The following PCDH9 variants were observed in gnomAD, a reference collection of about 807,000 sequenced individuals.
PCDH9 encodes the protein protocadherin 9, also known as protocadherin-9.
A neutral mutation model predicts 70.6 loss-of-function variants in PCDH9; 24 were observed. The ratio of observed to expected loss-of-function variants is 0.34; its 90% CI spans 0.25 to 0.48. The LOEUF (loss-of-function observed/expected upper bound fraction) is 0.48, where lower values mean the gene tolerates loss of function less well. Ranked by LOEUF, PCDH9 falls within the 20% of genes least tolerant of loss-of-function variation. The probability of loss-of-function intolerance (pLI) is 0.99; values close to 1 mark genes in which losing one functional copy is unlikely to be tolerated. For missense variants in PCDH9, 1,281 were observed against 1,503.6 expected (o/e 0.85, Z 2.45); for synonymous variants, 562 against 558.5 (o/e 1.01, Z -0.09).
At chr13:66,812,523 G>A (rs2080527743) in intron 3 of PCDH9, among the ~76,000 whole-genome samples, 1 of 152,172 alleles carries the variant, frequency 6.6e-6, no homozygotes. Context: ...AAATGTACCT[G>A]ATTTGTCTAG....
intron 2 of PCDH9, among the ~76,000 whole-genome samples, chr13:67,082,720 AC>A (rs2086009877): frequency 2.0e-5 from 3 of 152,182 alleles, no homozygotes. Context: ...TTCTTAAAAA[AC>A]ATTTGAGAAA....
chr13:66,477,143 G>A lies in PCDH9; in HGVS notation c.3340+154067C>T, dbSNP rs140564452. ...AGTTCAATGTGCATGTCTGTCTAAC[G>A]AGACAATATGACAGGACCACACATT... is the stretch of plus-strand genomic sequence containing the variant. On this transcript the variant is annotated intron_variant, in intron 4 of 4. Transcript: ENST00000377865. Among the ~76,000 whole-genome samples, 13 of 152,168 alleles carry A rather than the reference G, an allele frequency of 8.5e-5. No homozygotes were observed. The East Asian group carries it at 2.5e-3, about 29-fold the overall frequency.
chr13:66,757,375 A>C lies in PCDH9; in HGVS notation c.3139-125964T>G, dbSNP rs145867060. Among the ~76,000 whole-genome samples, 6 of 152,226 alleles carry C rather than the reference A, an allele frequency of 3.9e-5. No individual in the cohort carries two copies. In the East Asian group the frequency reaches 1.2e-3, roughly 29 times the overall value. On this transcript the variant is annotated intron_variant, in intron 3 of 4. Coordinates refer to ENST00000377865, the MANE Select transcript of PCDH9 (RefSeq NM_203487.3). ...TCTTATTGTATTCTTTAGGTGACTA[A>C]ATTATTTTTAGGTATCTTGCTAAGG...
chr13:67,089,808 G>C (rs930665293), intron 2 of PCDH9, among the ~76,000 whole-genome samples: 14 of 151,928 alleles, frequency 9.2e-5, no homozygotes, highest in African/African-American at 3.4e-4. Flanking sequence ...TGTTGATAGA[G>C]AGATCCTTAG....
At chr13:66,717,969 G>A (rs1361735125) in intron 3 of PCDH9, among the ~76,000 whole-genome samples, 1 of 152,062 alleles carries the variant, frequency 6.6e-6, no homozygotes, top group East Asian at 1.9e-4. Context: ...GCATACTGTT[G>A]CTATTCATAG....
intron 2 of PCDH9, chr13:67,213,880 A>G (rs944996043): frequency 6.6e-6 from 1 of 152,228 alleles, no homozygotes; most frequent in African/African-American, 2.4e-5. Context: ...AATTTATTCA[A>G]TCAAAATCAC....
Position 66,523,707 on chromosome 13 carries a change from G to A in PCDH9, c.3340+107503C>T, listed in dbSNP as rs145998628. On this transcript the variant is annotated intron_variant, in intron 4 of 4. Coordinates refer to ENST00000377865, the MANE Select transcript of PCDH9 (RefSeq NM_203487.3). Reference sequence around the variant, plus strand: ...ATCAGAGGGAAAAAGCATAATGAGGGGTGAGAAGAGATTAAGGATGATTTT... The same window carrying A: ...ATCAGAGGGAAAAAGCATAATGAGGAGTGAGAAGAGATTAAGGATGATTTT... 8.3e-3 allele frequency among the ~76,000 whole-genome samples: 1,255 copies of A among 151,064 alleles called. 14 individuals are homozygous for A. The highest frequency in any genetic ancestry group is 0.031 in the South Asian group (148 of 4,780).
At chr13:66,933,103 A>G (rs1392473393) in intron 2 of PCDH9, among the ~76,000 whole-genome samples, 1 of 151,968 alleles carries the variant, frequency 6.6e-6, no homozygotes, top group Non-Finnish European at 1.5e-5. Flanking sequence ...TAATATTAAT[A>G]TTACTCAGTG....
intron 3 of PCDH9, among the ~76,000 whole-genome samples, chr13:66,742,229 A>G (rs1333743218): frequency 2.2e-5 from 1 of 46,192 alleles, no homozygotes; most frequent in Non-Finnish European, 4.5e-5. Flanking sequence ...CCTGAGAAAA[A>G]CAAGCAATGG....
chr13:66,460,921 A>G (rs1958412086), intron 4 of PCDH9, among the ~76,000 whole-genome samples: 2 of 152,058 alleles, frequency 1.3e-5, no homozygotes, highest in South Asian at 4.1e-4. Context: ...TTTAAAAAAT[A>G]ATACTGATAA....
chr13:66,974,042 A>G (rs897899176), intron 2 of PCDH9, among the ~76,000 whole-genome samples: 4 of 152,008 alleles, frequency 2.6e-5, no homozygotes, highest in African/African-American at 4.8e-5. Flanking sequence ...TAAAGGATCC[A>G]CTATGTTCCA....
At chr13:67,116,463 T>G (rs1381529656) in intron 2 of PCDH9, among the ~76,000 whole-genome samples, 1 of 152,150 alleles carries the variant, frequency 6.6e-6, no homozygotes, top group African/African-American at 2.4e-5. Flanking sequence ...GGAAAAAGTT[T>G]AGGACAGTAA....
At chr13:66,416,806 C>T (rs946198829) in intron 4 of PCDH9, among the ~76,000 whole-genome samples, 1 of 152,078 alleles carries the variant, frequency 6.6e-6, no homozygotes, top group Non-Finnish European at 1.5e-5. Context: ...GATTACCATG[C>T]TAAGCTCTGA....
chr13:66,933,081 C>T (rs1324244626), intron 2 of PCDH9, among the ~76,000 whole-genome samples: 2 of 151,712 alleles, frequency 1.3e-5, no homozygotes, highest in Non-Finnish European at 1.5e-5. Flanking sequence ...TATTTTGTTA[C>T]CCAGAGAACC....
chr13:67,178,235 C>G (rs1417361747), intron 2 of PCDH9, among the ~76,000 whole-genome samples: 1 of 152,024 alleles, frequency 6.6e-6, no homozygotes, highest in African/African-American at 2.4e-5. Context: ...GAAAAAGATA[C>G]TATGAAAGTT....
chr13:66,668,576 C>T (rs910195871), intron 3 of PCDH9, among the ~76,000 whole-genome samples: 1 of 152,110 alleles, frequency 6.6e-6, no homozygotes, highest in African/African-American at 2.4e-5. Context: ...CTAAATAGCC[C>T]CCTTGTTTGA....
intron 4 of PCDH9, among the ~76,000 whole-genome samples, chr13:66,609,785 A>C (rs2077268148): frequency 6.6e-6 from 1 of 152,096 alleles, no homozygotes; most frequent in Non-Finnish European, 1.5e-5. Context: ...TCATATATTC[A>C]TAAAATATTC....
rs112749472 is a variant in PCDH9 at position 67,225,182 on chromosome 13, A to G, written c.3036+223T>C. On this transcript the variant is annotated intron_variant, in intron 2 of 4. Coordinates refer to ENST00000377865, the MANE Select transcript of PCDH9 (RefSeq NM_203487.3). Reference sequence around the variant, plus strand: ...TCTCTTTTCATCTTTTGCCATTTGAAGGAAACTGAAAGGAGAAAATATTCT... The same window carrying G: ...TCTCTTTTCATCTTTTGCCATTTGAGGGAAACTGAAAGGAGAAAATATTCT... 1.3e-3 allele frequency: 1,772 copies of G among 1,373,038 alleles called. 20 individuals carry two copies. In the African/African-American group the frequency reaches 0.023, roughly 18 times the overall value. The allele number at this position is 1,373,038 out of a possible 1,614,324, so 85.1% of individuals were successfully genotyped here.
chr13:66,966,595 A>G (rs2139737543), intron 2 of PCDH9, among the ~76,000 whole-genome samples: 1 of 152,250 alleles, frequency 6.6e-6, no homozygotes. Context: ...AAAGCAGTAG[A>G]GAGGTTTAAT....
Sources: allele counts gnomAD v4.1 joint callset (sites outside exome capture counted in the v4.1 genomes callset), GRCh38; gene constraint gnomAD v4.1.1; transcripts MANE v1.5; gene names NCBI Gene and HGNC (gene_info 2026-07-23, HGNC 2026-07-21).